Variants in LRP1B observed in about 807,000 individuals in gnomAD.
The protein encoded by LRP1B is LDL receptor related protein 1B.
In LRP1B, 217 loss-of-function variants were observed where a neutral mutation model predicts 556.6. The ratio of observed to expected loss-of-function variants is 0.39; its 90% CI spans 0.35 to 0.44. The LOEUF (loss-of-function observed/expected upper bound fraction) is 0.44, where lower values mean the gene tolerates loss of function less well. LRP1B is among the 20% of genes least tolerant of loss of function. LRP1B has a pLI of 1.00. For synonymous variants in LRP1B, 2,047 were observed against 1,865.8 expected (o/e 1.10, Z -2.50); for missense variants, 5,053 against 5,620.8 (o/e 0.90, Z 3.23).
intron 1 of LRP1B, among the ~76,000 whole-genome samples, chr2:142,010,471 C>T (rs113617646): frequency 7.2e-6 from 1 of 138,708 alleles, no homozygotes; most frequent in Admixed American, 7.9e-5. Flanking sequence ...AGGAGAATGG[C>T]GTGAACCCGG....
intron 27 of LRP1B, among the ~76,000 whole-genome samples, chr2:140,855,309 C>T (rs1038175372): frequency 1.9e-4 from 12 of 62,138 alleles, no homozygotes; most frequent in African/African-American, 6.9e-4. Context: ...TATCTAGTAT[C>T]CCTGCATTAC....
chr2:141,808,109 C>A (rs892824648), intron 2 of LRP1B, among the ~76,000 whole-genome samples: 3 of 152,098 alleles, frequency 2.0e-5, no homozygotes, highest in African/African-American at 7.2e-5. Context: ...CCTTGTTCAT[C>A]ATTCTTCACC....
intron 58 of LRP1B, among the ~76,000 whole-genome samples, chr2:140,485,841 G>GCGCGCACACA (rs1553473120): frequency 4.4e-4 from 24 of 54,798 alleles, no homozygotes; most frequent in African/African-American, 1.2e-3. Flanking sequence ...AAATTCTCAC[G>GCGCGCACACA]CACATACACA....
chr2:141,898,938 T>C (rs923955934), intron 1 of LRP1B, among the ~76,000 whole-genome samples: 6 of 152,140 alleles, frequency 3.9e-5, no homozygotes, highest in Non-Finnish European at 7.4e-5. Context: ...ATTCAAATAA[T>C]GGTTGAAACC....
At chr2:142,112,048 T>A (rs768223362) in intron 1 of LRP1B, among the ~76,000 whole-genome samples, 13 of 152,094 alleles carry the variant, frequency 8.5e-5, no homozygotes, top group Non-Finnish European at 1.8e-4. Context: ...AAGCATTACA[T>A]CAAGGTGCCT....
Position 142,130,802 on chromosome 2 carries a change from G to A in LRP1B, c.-73C>T, listed in dbSNP as rs1484900579. On this transcript the variant is annotated 5_prime_UTR_variant, in exon 1 of 91. Transcript: ENST00000389484. The stretch of plus-strand genomic sequence containing the variant: ...CCTTCGGCCCGGCGGCGGCGGCGGC[G>A]GCAGGGGCCGCTTGGAGCCTGGAAT... The A allele has an allele frequency of 3.3e-6, 4 of 1,229,224 alleles. No individual in the cohort carries two copies. The highest frequency in any genetic ancestry group is 4.7e-6 in the Non-Finnish European group (4 of 849,310). 76.1% of individuals were successfully genotyped at this position (1,229,224 alleles called of 1,614,324 possible).
intron 3 of LRP1B, among the ~76,000 whole-genome samples, chr2:141,326,584 A>C (rs970987805): frequency 6.6e-6 from 1 of 152,118 alleles, no homozygotes. Flanking sequence ...ACCGATGAAG[A>C]CTTTGTCCCC....
chr2:140,483,949 C>A (rs1230872915), intron 59 of LRP1B, among the ~76,000 whole-genome samples: 1 of 151,778 alleles, frequency 6.6e-6, no homozygotes, highest in Non-Finnish European at 1.5e-5. Flanking sequence ...TATCAAAAAT[C>A]AAAAATAAAC....
At chr2:141,703,433 C>T (rs557480567) in intron 2 of LRP1B, among the ~76,000 whole-genome samples, 31 of 151,982 alleles carry the variant, frequency 2.0e-4, no homozygotes, top group African/African-American at 6.0e-4. Context: ...ACAACGATTA[C>T]GGGTAATTCT....
chr2:141,143,229 A>G (rs1443844843), intron 7 of LRP1B, among the ~76,000 whole-genome samples: 1 of 151,924 alleles, frequency 6.6e-6, no homozygotes, highest in South Asian at 2.1e-4. Flanking sequence ...GCACCCAGAG[A>G]TCATCTGATT....
intron 3 of LRP1B, among the ~76,000 whole-genome samples, chr2:141,439,507 T>A (rs777808624): frequency 1.7e-4 from 26 of 152,070 alleles, no homozygotes; most frequent in Non-Finnish European, 3.4e-4. Context: ...TAATAACACA[T>A]AAAACTGCAG....
At chr2:140,800,906 T>C (rs1690484843) in intron 32 of LRP1B, among the ~76,000 whole-genome samples, 1 of 152,180 alleles carries the variant, frequency 6.6e-6, no homozygotes, top group African/African-American at 2.4e-5. Context: ...CCTAATATCT[T>C]AACTTTTTAT....
chr2:141,010,927 T>A (rs565515000), intron 14 of LRP1B, among the ~76,000 whole-genome samples: 2 of 150,526 alleles, frequency 1.3e-5, no homozygotes, highest in East Asian at 3.9e-4. Flanking sequence ...TTCCTGAATA[T>A]TTTTCATGGT....
intron 11 of LRP1B, among the ~76,000 whole-genome samples, chr2:141,031,577 A>T (rs1324679479): frequency 6.6e-6 from 1 of 151,996 alleles, no homozygotes; most frequent in South Asian, 2.1e-4. Flanking sequence ...ATATGTATAG[A>T]TTACAAAAAA....
intron 11 of LRP1B, among the ~76,000 whole-genome samples, chr2:141,023,855 G>A (rs1307798958): frequency 6.6e-6 from 1 of 151,894 alleles, no homozygotes; most frequent in African/African-American, 2.4e-5. Flanking sequence ...CCTTATACAA[G>A]TTTATCCAGT....
At chr2:141,411,676 G>GA (rs1690857581) in intron 3 of LRP1B, among the ~76,000 whole-genome samples, 1 of 152,088 alleles carries the variant, frequency 6.6e-6, no homozygotes, top group Admixed American at 6.6e-5. Context: ...TAATGCAGTT[G>GA]AAACAACAAA....
At chr2:140,714,170 C>T (rs541996681) in intron 37 of LRP1B, among the ~76,000 whole-genome samples, 9 of 152,234 alleles carry the variant, frequency 5.9e-5, no homozygotes, top group African/African-American at 1.9e-4. Context: ...GCATACTTCA[C>T]AGTGTCTACA....
chr2:141,479,835 A>G (rs765410137), intron 3 of LRP1B, among the ~76,000 whole-genome samples: 3 of 152,088 alleles, frequency 2.0e-5, no homozygotes, highest in Non-Finnish European at 4.4e-5. Flanking sequence ...ATTATCCCTC[A>G]TATCATTAAT....
intron 3 of LRP1B, among the ~76,000 whole-genome samples, chr2:141,356,193 C>T (rs1423084378): frequency 1.3e-5 from 2 of 152,198 alleles, no homozygotes; most frequent in Non-Finnish European, 2.9e-5. Context: ...TTTCCAAAGA[C>T]ACCAATAGTA....
Sources: allele counts gnomAD v4.1 joint callset (sites outside exome capture counted in the v4.1 genomes callset), GRCh38; gene constraint gnomAD v4.1.1; transcripts MANE v1.5; gene names NCBI Gene and HGNC (gene_info 2026-07-23, HGNC 2026-07-21).